Variants in ADAM33 observed in about 807,000 individuals in gnomAD.
The protein encoded by ADAM33 is disintegrin and metalloproteinase domain-containing protein 33.
A neutral mutation model predicts 106.2 loss-of-function variants in ADAM33; 103 were observed. That is an observed-to-expected ratio of 0.97 (90% CI 0.83 to 1.14). ADAM33 has a LOEUF of 1.14. Among genes scored for constraint, ADAM33 ranks in the 50% most tolerant of loss-of-function variants. The probability of loss-of-function intolerance (pLI) is 0.00; values close to 1 mark genes in which losing one functional copy is unlikely to be tolerated. For missense variants in ADAM33, 1,120 were observed against 1,096.6 expected (o/e 1.02, Z -0.30); for synonymous variants, 483 against 453.0 (o/e 1.07, Z -0.84).
intron 1 of ADAM33, among the ~76,000 whole-genome samples, chr20:3,680,168 C>G (rs922367597): frequency 6.6e-6 from 1 of 152,068 alleles, no homozygotes; most frequent in African/African-American, 2.4e-5. Flanking sequence ...GCTCCCTGGC[C>G]GGGTGTGCCT....
intron 18 of ADAM33, 23 bp from the exon 19 acceptor site, chr20:3,671,176 C>A (rs200813015): frequency 3.7e-6 from 6 of 1,613,110 alleles, no homozygotes; most frequent in Non-Finnish European, 5.1e-6. Flanking sequence ...GGGGAAGGGG[C>A]GCTGAGTCCT....
In ADAM33 at chr20:3,672,704, G is replaced by C. The variant is rs763820205; in HGVS notation, c.1311+17C>G. ...TGAGCGGAGAGGGCAAGTGGGGGCC[G>C]GGCGAGCCGACTTAACCTGGCCAGG... On this transcript the variant is annotated intron_variant, in intron 12 of 21. Transcript: ENST00000356518. 2 of 1,587,194 alleles carry C rather than the reference G, an allele frequency of 1.3e-6. No homozygotes were observed. Among genetic ancestry groups the C allele is most frequent in the South Asian group, 1.1e-5 (1 of 88,710 alleles).
At chr20:3,673,152 C>A in intron 11 of ADAM33, 1 of 1,487,708 alleles carries the variant, frequency 6.7e-7, no homozygotes, top group East Asian at 2.5e-5. Flanking sequence ...CCAGGTTACT[C>A]GGAAAATAAT....
Position 3,674,531 on chromosome 20 carries a change from G to A in ADAM33, c.573C>T (p.Thr191=). ...TGCTCTGGGGACCACCAGGAAGGCT[G>A]GTCATGCCCGCTTTGTTCCCAGGAT... The part of the protein sequence containing the change: ...HRDPGNKAGM[T]SLPGGPQSRG... Residue 191 remains threonine, a synonymous_variant, in exon 6 of 22, where the codon ACC becomes ACT. Coordinates refer to ENST00000356518, the MANE Select transcript of ADAM33 (RefSeq NM_025220.5). The A allele has an allele frequency of 6.2e-7, 1 of 1,613,564 alleles. No individual in the cohort carries two copies. The highest frequency in any genetic ancestry group is 8.5e-7 in the Non-Finnish European group (1 of 1,179,954).
chr20:3,674,504 C>T lies in ADAM33; in HGVS notation c.600G>A (p.Arg200=). ...MTSLPGGPQS[R]GRREARRTRK... Reference sequence around the variant, plus strand: ...CTCCCATCCGATCGATGCCCCTGACCCTGCTCTGGGGACCACCAGGAAGGC... The same window carrying T: ...CTCCCATCCGATCGATGCCCCTGACTCTGCTCTGGGGACCACCAGGAAGGC... Residue 200 remains arginine (R), a splice_region_variant and synonymous_variant, in exon 6 of 22, where the codon AGG becomes AGA. Transcript: ENST00000356518. 6.2e-7 allele frequency: 1 copy of T among 1,612,990 alleles called. No homozygotes were observed. Among genetic ancestry groups the T allele is most frequent in the Non-Finnish European group, 8.5e-7 (1 of 1,179,820 alleles).
intron 11 of ADAM33, 128 bp from the exon 12 acceptor site, chr20:3,673,026 C>A: frequency 1.4e-6 from 2 of 1,434,546 alleles, no homozygotes; most frequent in South Asian, 1.5e-5. Context: ...AAGTAACCCG[C>A]GCAAAGTCAC....
chr20:3,680,048 C>G (rs2088346628), intron 1 of ADAM33, among the ~76,000 whole-genome samples: 1 of 152,118 alleles, frequency 6.6e-6, no homozygotes, highest in East Asian at 1.9e-4. Context: ...CCACCTTGCC[C>G]AGAGCTCCCT....
chr20:3,672,707 C>A lies in ADAM33; in HGVS notation c.1311+14G>T. 6.3e-7 allele frequency: 1 copy of A among 1,584,736 alleles called. No homozygotes were observed. The highest frequency in any genetic ancestry group is 8.6e-7 in the Non-Finnish European group (1 of 1,163,652). ...GCGGAGAGGGCAAGTGGGGGCCGGG[C>A]GAGCCGACTTAACCTGGCCAGGGCC... On this transcript the variant is annotated intron_variant, in intron 12 of 21. Transcript: ENST00000356518.
rs1227829955 is a variant in ADAM33, at chr20:3,681,933, T to C, written c.72A>G (p.Pro24=). 1 of 1,582,702 alleles carries C rather than the reference T, an allele frequency of 6.3e-7. No homozygotes were observed. The highest frequency in any genetic ancestry group is 1.1e-5 in the South Asian group (1 of 87,320). ...CTTGAAGCACCCCGGCGCCTGGCAC[T>C]GGCCAGAGCAGCAGCAGTAGTAGCA... ...LLLLLLLLLW[P]VPGAGVLQGH... is the part of the protein sequence containing the mutation. The change falls in exon 1 of 22, where the codon CCA becomes CCG. Residue 24 remains proline (P), a synonymous_variant. Coordinates refer to ENST00000356518, the MANE Select transcript of ADAM33 (RefSeq NM_025220.5).
chr20:3,681,798 G>C, intron 1 of ADAM33, 110 bp downstream of exon 1: 1 of 1,424,438 alleles, frequency 7.0e-7, no homozygotes, highest in Non-Finnish European at 9.2e-7. Context: ...GTATGGTGCC[G>C]GGGCCGTGAG....
intron 13 of ADAM33, 99 bp from the exon 14 acceptor site, chr20:3,672,428 C>T: frequency 6.3e-7 from 1 of 1,576,830 alleles, no homozygotes; most frequent in South Asian, 1.2e-5. Context: ...GCCAGGCCTA[C>T]CCAAGCCCAG....
At chr20:3,681,868 C>G (rs1568828234) in intron 1 of ADAM33, 40 bp downstream of exon 1, 4 of 1,589,372 alleles carry the variant, frequency 2.5e-6, no homozygotes, top group Non-Finnish European at 2.6e-6. Flanking sequence ...ACCACCGCGC[C>G]TAGCCTGCCC....
Position 3,675,456 on chromosome 20 carries a change from G to A in ADAM33, c.255-351C>T, listed in dbSNP as rs753716875. Among the ~76,000 whole-genome samples the A allele has an allele frequency of 3.9e-5, 6 of 152,102 alleles. No individual in the cohort carries two copies. The highest frequency in any genetic ancestry group is 2.1e-4 in the South Asian group (1 of 4,830). ...AGGGGAGGAGTCAGGAGACACTGCC[G>A]AAGAATGGGACTTGGAGTTGGGGAA... On this transcript the variant is annotated intron_variant, in intron 3 of 21. Transcript: ENST00000356518. The surrounding 1 kb of genome is among the most constrained non-coding windows in gnomAD (Gnocchi z 4.1).
At chr20:3,673,687 G>A (rs908105560) in intron 9 of ADAM33, 29 bp from the exon 10 acceptor site, 43 of 1,351,990 alleles carry the variant, frequency 3.2e-5, no homozygotes, top group Non-Finnish European at 4.0e-5. Flanking sequence ...GTGACCAGGC[G>A]GGGCCGGGAG....
chr20:3,670,902 C>G, intron 19 of ADAM33, 104 bp downstream of exon 19: 1 of 1,420,560 alleles, frequency 7.0e-7, no homozygotes, highest in Non-Finnish European at 9.2e-7. Context: ...CTCTCTGCAC[C>G]TGGGGGCAAG....
intron 2 of ADAM33, among the ~76,000 whole-genome samples, chr20:3,677,992 G>C (rs1266882498): frequency 6.6e-6 from 1 of 152,210 alleles, no homozygotes; most frequent in Non-Finnish European, 1.5e-5. Context: ...ACTGGCCTGG[G>C]GCCCTGTCCA....
chr20:3,676,239 G>A lies in ADAM33; in HGVS notation c.254+828C>T, dbSNP rs41521150. ...TCCCTTCCCCAGCTCAAAATCTTTG[G>A]CTCTGGATGGTCCAGGACACTGAGC... On this transcript the variant is annotated intron_variant, in intron 3 of 21. Coordinates refer to ENST00000356518, the MANE Select transcript of ADAM33 (RefSeq NM_025220.5). Among the ~76,000 whole-genome samples, 777 of 151,302 alleles carry A rather than the reference G, an allele frequency of 5.1e-3. 8 individuals carry two copies. Among genetic ancestry groups the A allele is most frequent in the Middle Eastern group, 0.027 (8 of 294 alleles).
At chr20:3,674,185 C>A (rs747292730) in intron 7 of ADAM33, 34 bp downstream of exon 7, 2 of 1,614,140 alleles carry the variant, frequency 1.2e-6, no homozygotes, top group Non-Finnish European at 1.7e-6. Flanking sequence ...TGGCCCCATC[C>A]CTGACCCCGC....
chr20:3,672,567 G>A lies in ADAM33; in HGVS notation c.1371C>T (p.Cys457=). 1.2e-6 allele frequency: 2 copies of A among 1,613,544 alleles called. No individual in the cohort carries two copies. Among genetic ancestry groups the A allele is most frequent in the South Asian group, 2.2e-5 (2 of 91,066 alleles). ...AGCGCACGCAGCAGTCCCCGTGGGC[G>A]CACTGGGCCCCCGGGCGCAGCGAGC... ...HNCSLRPGAQ[C]AHGDCCVRCL... The change falls in exon 13 of 22, where the codon TGC becomes TGT. Residue 457 remains cysteine (C), a synonymous_variant. Transcript: ENST00000356518.
Sources: gnomAD v4.1 joint callset for allele counts (sites outside exome capture counted in the v4.1 genomes callset) on GRCh38, gnomAD v4.1.1 for gene constraint, Gnocchi (gnomAD v3.1) non-coding constraint, MANE v1.5 for transcripts, NCBI Gene and HGNC (gene_info 2026-07-23, HGNC 2026-07-21) for gene names.